Variants in MOB3B observed in about 807,000 individuals in gnomAD.
MOB3B encodes the protein MOB kinase activator 3B.
MOB3B carries 7 observed loss-of-function variants against 18.7 expected under a neutral mutation model. That is an observed-to-expected ratio of 0.37 (90% CI 0.21 to 0.70). The LOEUF (loss-of-function observed/expected upper bound fraction) is 0.70. Ranked by LOEUF, MOB3B falls within the 30% of genes least tolerant of loss-of-function variation. The pLI is 0.52. For missense variants in MOB3B, 253 were observed against 281.3 expected (o/e 0.90, Z 0.72); for synonymous variants, 111 against 99.9 (o/e 1.11, Z -0.66).
intron 3 of MOB3B, among the ~76,000 whole-genome samples, chr9:27,357,888 C>CA (rs58851638): frequency 0.012 from 690 of 57,922 alleles, 48 homozygotes; most frequent in Admixed American, 0.033. Flanking sequence ...CCCATCGCTA[C>CA]AAAAAAAAAA....
intron 3 of MOB3B, among the ~76,000 whole-genome samples, chr9:27,351,534 C>T (rs1024382511): frequency 6.6e-6 from 1 of 152,238 alleles, no homozygotes; most frequent in East Asian, 1.9e-4. Flanking sequence ...GCTGAGTCCA[C>T]ATCAAGCCTT....
At chr9:27,434,503 T>C (rs1221257686) in intron 2 of MOB3B, among the ~76,000 whole-genome samples, 1 of 152,124 alleles carries the variant, frequency 6.6e-6, no homozygotes, top group Non-Finnish European at 1.5e-5. Context: ...CAGCTGCCAT[T>C]TATACGGCCC....
intron 3 of MOB3B, among the ~76,000 whole-genome samples, chr9:27,332,961 A>G (rs369464848): frequency 6.6e-6 from 1 of 152,220 alleles, no homozygotes; most frequent in Non-Finnish European, 1.5e-5. Context: ...GACATATATA[A>G]TTATAGGTGG....
At chr9:27,428,801 C>G (rs900916040) in intron 2 of MOB3B, among the ~76,000 whole-genome samples, 1 of 152,158 alleles carries the variant, frequency 6.6e-6, no homozygotes, top group Non-Finnish European at 1.5e-5. Flanking sequence ...TGGGCTGGAA[C>G]AATGGTAACC....
intron 1 of MOB3B, among the ~76,000 whole-genome samples, chr9:27,512,458 C>A (rs115190124): frequency 5.1e-4 from 77 of 152,216 alleles, no homozygotes; most frequent in African/African-American, 1.7e-3. Context: ...TCTAAGTAAA[C>A]CATCAGAGAT....
chr9:27,342,520 A>G (rs997365843), intron 3 of MOB3B, among the ~76,000 whole-genome samples: 5 of 149,224 alleles, frequency 3.4e-5, no homozygotes, highest in South Asian at 4.2e-4. Context: ...TGTGAAAGCC[A>G]AGGCTGGACT....
At position 27,470,114 on chromosome 9, in the gene MOB3B, G is replaced by GAAAAAAA. The variant is rs751414011; in HGVS notation, c.-198-14373_-198-14367dup. ...CAGAGTGAGACCCTGTCTCTTAAAA[G>GAAAAAAA]AAAAAAAAAAAAAAGAAAAGAAAAC... On this transcript the variant is annotated intron_variant, in intron 1 of 3. Coordinates refer to ENST00000262244, the MANE Select transcript of MOB3B (RefSeq NM_024761.5). Among the ~76,000 whole-genome samples, 412 of 125,944 alleles carry GAAAAAAA rather than the reference G, an allele frequency of 3.3e-3. 5 individuals are homozygous for GAAAAAAA. Among genetic ancestry groups the GAAAAAAA allele is most frequent in the Non-Finnish European group, 4.9e-3 (303 of 62,428 alleles). The allele number at this position is 125,944 out of a possible 152,430, so 82.6% of individuals were successfully genotyped here.
At position 27,413,824 on chromosome 9, in the gene MOB3B, C is replaced by A. The variant is rs1038189347; in HGVS notation, c.418+41309G>T. Among the ~76,000 whole-genome samples the A allele has an allele frequency of 2.0e-5, 3 of 152,166 alleles. 1 individual carries two copies. Among genetic ancestry groups the A allele is most frequent in the Admixed American group, 2.0e-4 (3 of 15,282 alleles). On this transcript the variant is annotated intron_variant, in intron 2 of 3. Transcript: ENST00000262244. The stretch of plus-strand genomic sequence containing the variant: ...TCTCAGCACAACTGTGAGCCAGAGA[C>A]CTCTGCAAGAGAAGCAGATTTGGTG...
intron 2 of MOB3B, among the ~76,000 whole-genome samples, chr9:27,427,407 A>C (rs1421442650): frequency 6.6e-6 from 1 of 152,232 alleles, no homozygotes; most frequent in Non-Finnish European, 1.5e-5. Flanking sequence ...ACATTCTTTC[A>C]GAGTGACTGG....
chr9:27,501,095 G>A (rs751765641), intron 1 of MOB3B, among the ~76,000 whole-genome samples: 13 of 152,100 alleles, frequency 8.5e-5, no homozygotes, highest in Non-Finnish European at 1.3e-4. Flanking sequence ...AAAAAGTCAG[G>A]AAACAACAGA....
At chr9:27,517,608 A>G (rs1297178482) in intron 1 of MOB3B, among the ~76,000 whole-genome samples, 1 of 125,018 alleles carries the variant, frequency 8.0e-6, no homozygotes, top group African/African-American at 3.0e-5. Context: ...AGATCATGCC[A>G]CTGCACTCCA....
Position 27,515,611 on chromosome 9 carries a change from A to C in MOB3B, c.-199+13944T>G, listed in dbSNP as rs145441036. Among the ~76,000 whole-genome samples the C allele has an allele frequency of 1.2e-4, 19 of 152,354 alleles. No homozygotes were observed. In the East Asian group the frequency reaches 3.3e-3, roughly 26 times the overall value. ...TAATAGCTATACAGATTGTTACCAA[A>C]GAATACTTAAAGACAATGTCTGGCT... On this transcript the variant is annotated intron_variant, in intron 1 of 3. Transcript: ENST00000262244.
rs1264441487 is a variant in MOB3B at position 27,328,511 on chromosome 9, G to A, written c.*2076C>T. 2.0e-5 allele frequency: 3 copies of A among 152,130 alleles called. No individual in the cohort carries two copies. Among genetic ancestry groups the A allele is most frequent in the Non-Finnish European group, 4.4e-5 (3 of 68,032 alleles). The allele number at this position is 152,130 out of a possible 1,614,324, so 9.4% of individuals were successfully genotyped here. A position where few individuals can be genotyped will look rare whatever the true frequency, so the allele number is the denominator to read the frequency against. Reference sequence around the variant, plus strand: ...AAAAAGATTTGGATTTTTAAATTGAGTGGAAATTTCATATGCACAGTTAAT... The same window carrying A: ...AAAAAGATTTGGATTTTTAAATTGAATGGAAATTTCATATGCACAGTTAAT... On this transcript the variant is annotated 3_prime_UTR_variant, in exon 4 of 4. Transcript: ENST00000262244.
chr9:27,372,160 G>T (rs1422226741), intron 2 of MOB3B, among the ~76,000 whole-genome samples: 2 of 152,108 alleles, frequency 1.3e-5, no homozygotes, highest in African/African-American at 2.4e-5. Context: ...ATAAAAGATG[G>T]CCTGGGACAC....
chr9:27,340,019 A>G (rs182488101), intron 3 of MOB3B, among the ~76,000 whole-genome samples: 110 of 152,372 alleles, frequency 7.2e-4, no homozygotes, highest in African/African-American at 2.5e-3. Context: ...AGGAATTAGA[A>G]ATGTTCTTTC....
chr9:27,438,695 G>A (rs577270252), intron 2 of MOB3B, among the ~76,000 whole-genome samples: 147 of 152,316 alleles, frequency 9.7e-4, no homozygotes, highest in African/African-American at 3.3e-3. Context: ...AGCTGCAAGA[G>A]ATGAAACGTA....
intron 1 of MOB3B, among the ~76,000 whole-genome samples, chr9:27,507,331 A>T (rs1820075556): frequency 6.6e-6 from 1 of 152,164 alleles, no homozygotes; most frequent in East Asian, 1.9e-4. Context: ...TGTATCTCAG[A>T]ATTCATAGAG....
At chr9:27,388,107 AAT>A (rs1002134226) in intron 2 of MOB3B, among the ~76,000 whole-genome samples, 1 of 152,234 alleles carries the variant, frequency 6.6e-6, no homozygotes, top group African/African-American at 2.4e-5. Flanking sequence ...CTCAAACATC[AAT>A]AGTACCAAAG....
chr9:27,465,408 G>A (rs905946926), intron 1 of MOB3B, among the ~76,000 whole-genome samples: 1 of 152,188 alleles, frequency 6.6e-6, no homozygotes, highest in Non-Finnish European at 1.5e-5. Flanking sequence ...CTGTGGCTTT[G>A]CAGGGTACAG....
Sources: gnomAD v4.1 joint callset for allele counts (sites outside exome capture counted in the v4.1 genomes callset) on GRCh38, gnomAD v4.1.1 for gene constraint, MANE v1.5 for transcripts, NCBI Gene and HGNC (gene_info 2026-07-23, HGNC 2026-07-21) for gene names.